Variants in PKHD1 observed in about 807,000 individuals in gnomAD.
PKHD1 encodes fibrocystin.
A neutral mutation model predicts 412.0 loss-of-function variants in PKHD1; 291 were observed. That is an observed-to-expected ratio of 0.71 (90% CI 0.64 to 0.78). PKHD1 has a LOEUF of 0.78. Ranked by LOEUF, PKHD1 falls within the 30% of genes least tolerant of loss-of-function variation. The pLI is 0.00. For synonymous variants in PKHD1, 1,777 were observed against 1,821.5 expected, an observed-to-expected ratio of 0.98 and a Z score of 0.62; for missense variants, 4,825 against 4,950.7, an observed-to-expected ratio of 0.97 and a Z score of 0.76.
In PKHD1 at chr6:51,618,103, T is replaced by G. The variant is rs1351695762; in HGVS notation, c.*978A>C. ...AATTGCCTTTAACAACCTTACCAAA[T>G]GTATCAATACCAGGTGAGCCTTTGT... On this transcript the variant is annotated 3_prime_UTR_variant, in exon 67 of 67. Transcript: ENST00000371117. 1 of 152,220 alleles carries G rather than the reference T, an allele frequency of 6.6e-6. No homozygotes were observed. The highest frequency in any genetic ancestry group is 1.5e-5 in the Non-Finnish European group (1 of 68,058). 9.4% of individuals were successfully genotyped at this position (152,220 alleles called of 1,614,324 possible).
intron 35 of PKHD1, among the ~76,000 whole-genome samples, chr6:51,962,291 G>A (rs577497377): frequency 1.8e-4 from 27 of 152,168 alleles, no homozygotes; most frequent in East Asian, 1.2e-3. Flanking sequence ...TAAAATGATC[G>A]GGAACAACTA....
rs187355747 is a variant in PKHD1 at position 51,802,929 on chromosome 6, T to C, written c.8303-11556A>G. On this transcript the variant is annotated intron_variant, in intron 52 of 66. Coordinates refer to ENST00000371117, the MANE Select transcript of PKHD1 (RefSeq NM_138694.4). ...GCAGGAAAAGAAACCCAAAAGATTA[T>C]TAAAATCTTAAAAATAAGATGCTTG... Among the ~76,000 whole-genome samples, 844 of 151,300 alleles carry C rather than the reference T, an allele frequency of 5.6e-3. 24 individuals are homozygous for C. The highest frequency in any genetic ancestry group is 2.1e-3 in the Non-Finnish European group (143 of 67,954).
intron 36 of PKHD1, among the ~76,000 whole-genome samples, chr6:51,952,165 G>A (rs1419600658): frequency 6.6e-6 from 1 of 152,120 alleles, no homozygotes; most frequent in East Asian, 1.9e-4. Context: ...ACTGTTCTCT[G>A]GAGGTAAATA....
intron 65 of PKHD1, among the ~76,000 whole-genome samples, chr6:51,628,250 C>A (rs1180922937): frequency 6.6e-6 from 1 of 152,054 alleles, no homozygotes; most frequent in Non-Finnish European, 1.5e-5. Context: ...TCAAGTAGAC[C>A]CTAGTCTCCA....
chr6:51,970,174 T>C (rs1266903), intron 35 of PKHD1, among the ~76,000 whole-genome samples: 6,265 of 152,308 alleles, frequency 0.041, 445 homozygotes, highest in African/African-American at 0.14. Flanking sequence ...TTAATTTTCA[T>C]TTCTCTGATG....
chr6:51,657,764 G>A (rs1193864026), intron 61 of PKHD1, among the ~76,000 whole-genome samples: 5 of 152,010 alleles, frequency 3.3e-5, no homozygotes, highest in Non-Finnish European at 5.9e-5. Context: ...GTTTTCTTCT[G>A]ATGTACCTCT....
At chr6:51,625,157 T>C (rs1490944128) in intron 66 of PKHD1, among the ~76,000 whole-genome samples, 1 of 152,186 alleles carries the variant, frequency 6.6e-6, no homozygotes, top group African/African-American at 2.4e-5. Context: ...CTAGTAGTCA[T>C]GCTCAGTTCC....
intron 35 of PKHD1, among the ~76,000 whole-genome samples, chr6:52,002,473 G>T (rs1377477851): frequency 6.6e-6 from 1 of 152,090 alleles, no homozygotes; most frequent in Non-Finnish European, 1.5e-5. Context: ...CATACATTTG[G>T]AGCCTCATTT....
chr6:51,884,701 G>A (rs1777927167), intron 45 of PKHD1, among the ~76,000 whole-genome samples: 1 of 151,858 alleles, frequency 6.6e-6, no homozygotes, highest in African/African-American at 2.4e-5. Context: ...TCAAAAAATG[G>A]CTTTATTAGC....
rs1481652021 is a variant in PKHD1 at position 51,844,863 on chromosome 6, A to T, written c.8107+2912T>A. Among the ~76,000 whole-genome samples the T allele has an allele frequency of 2.0e-5, 3 of 152,200 alleles. No homozygotes were observed. The East Asian group carries it at 5.8e-4, about 29-fold the overall frequency. ...ATATGGAATTCCGTGGCCATGATAG[A>T]GATCAAGCAGCTTCCCTACAATAAA... On this transcript the variant is annotated intron_variant, in intron 50 of 66. Transcript: ENST00000371117.
intron 43 of PKHD1, among the ~76,000 whole-genome samples, chr6:51,902,971 C>T (rs1337880557): frequency 6.6e-6 from 1 of 152,036 alleles, no homozygotes; most frequent in African/African-American, 2.4e-5. Context: ...CAAAATATGG[C>T]CACATTAACA....
intron 12 of PKHD1, among the ~76,000 whole-genome samples, chr6:52,065,552 G>C (rs999526650): frequency 3.9e-5 from 6 of 152,136 alleles, no homozygotes; most frequent in African/African-American, 1.4e-4. Context: ...CCATAAAAGG[G>C]TTTGCCAAGG....
chr6:51,666,695 T>TC (rs1393194288), intron 60 of PKHD1, among the ~76,000 whole-genome samples: 1 of 86,020 alleles, frequency 1.2e-5, no homozygotes, highest in Non-Finnish European at 2.1e-5. Flanking sequence ...CCCTCCCCCC[T>TC]CCCCCCACCC....
intron 41 of PKHD1, among the ~76,000 whole-genome samples, chr6:51,904,335 C>A (rs962760165): frequency 6.6e-6 from 1 of 152,100 alleles, no homozygotes; most frequent in African/African-American, 2.4e-5. Context: ...CAACACCAAC[C>A]CCATTCCTAG....
In PKHD1 at chr6:52,046,185, A is replaced by T; in HGVS notation, c.2411T>A (p.Val804Asp). 6.2e-7 allele frequency: 1 copy of T among 1,610,894 alleles called. No individual in the cohort carries two copies. Among genetic ancestry groups the T allele is most frequent in the Non-Finnish European group, 8.5e-7 (1 of 1,177,044 alleles). ...IQLPNTVISD[V>D]PVQISAHHLH... ...GTGATGAGCAGAAATTTGTACAGGG[A>T]CATCTGTGAGAGAAGGTTTTGATAC... Residue 804 changes from valine (V) to aspartate (D), a missense_variant, in exon 24 of 67, where the codon GTC becomes GAC. Coordinates refer to ENST00000371117, the MANE Select transcript of PKHD1 (RefSeq NM_138694.4).
rs773410303 is a variant in PKHD1, at chr6:52,028,339, A to G, written c.3377T>C (p.Leu1126Pro). 2 of 1,613,664 alleles carry G rather than the reference A, an allele frequency of 1.2e-6. No individual in the cohort carries two copies. The highest frequency in any genetic ancestry group is 2.2e-5 in the South Asian group (2 of 91,060). ...CATCAGCCTCGCCACTCCAATGACC[A>G]GGGTCTCACCGCCTGTGTTGAGAAG... ...NISNIAGGET[L>P]VIGVARLMNY... Residue 1126 changes from leucine (L) to proline (P), a missense_variant, in exon 30 of 67, where the codon CTG becomes CCG. Leu to Pro is a moderately conservative substitution (Grantham distance 98). Transcript: ENST00000371117.
At position 51,748,315 on chromosome 6, in the gene PKHD1, T is replaced by C. The variant is rs778586573; in HGVS notation, c.9301A>G (p.Arg3101Gly). 1 of 1,614,058 alleles carries C rather than the reference T, an allele frequency of 6.2e-7. No individual in the cohort carries two copies. The highest frequency in any genetic ancestry group is 1.1e-5 in the South Asian group (1 of 91,078). ...TGGCCTCGGATGTGAAAGCCAAGTC[T>C]CTCTGATCCTGCCACAACGTTGCCA... ...LHGNVVAGSE[R>G]LGFHIRGHKC... The change falls in exon 58 of 67, where the codon AGA becomes GGA. Residue 3101 changes from arginine (R) to glycine (G), a missense_variant. Physicochemically the swap from Arg to Gly is moderately radical, Grantham distance 125 (BLOSUM62 -2). Transcript: ENST00000371117.
At chr6:51,952,971 A>G (rs972017186) in intron 36 of PKHD1, among the ~76,000 whole-genome samples, 1 of 152,218 alleles carries the variant, frequency 6.6e-6, no homozygotes, top group East Asian at 1.9e-4. Context: ...GAAGGGAATC[A>G]CCATTATTTC....
intron 43 of PKHD1, among the ~76,000 whole-genome samples, chr6:51,895,360 CAG>C (rs902347787): frequency 5.9e-5 from 9 of 152,280 alleles, no homozygotes; most frequent in Admixed American, 1.3e-4. Context: ...GACTGAATAA[CAG>C]AAAGCCAATG....
Sources: gnomAD v4.1 joint callset for allele counts (sites outside exome capture counted in the v4.1 genomes callset) on GRCh38, gnomAD v4.1.1 for gene constraint, MANE v1.5 for transcripts, NCBI Gene and HGNC (gene_info 2026-07-23, HGNC 2026-07-21) for gene names.